Variants in TTC39B observed in about 807,000 individuals in gnomAD.
The protein encoded by TTC39B is tetratricopeptide repeat domain 39B.
A neutral mutation model predicts 96.6 loss-of-function variants in TTC39B; 92 were observed. The ratio of observed to expected loss-of-function variants is 0.95; its 90% CI spans 0.80 to 1.13. The LOEUF is 1.13. TTC39B is among the 50% of genes most tolerant of loss of function. The pLI, the probability that TTC39B is intolerant of heterozygous loss-of-function variation, is 0.00. For synonymous variants in TTC39B, 367 were observed against 299.4 expected, an observed-to-expected ratio of 1.23 and a Z score of -2.33; for missense variants, 955 against 809.3, an observed-to-expected ratio of 1.18 and a Z score of -2.18.
intron 1 of TTC39B, among the ~76,000 whole-genome samples, chr9:15,272,929 C>G (rs1428006282): frequency 6.6e-6 from 1 of 152,210 alleles, no homozygotes; most frequent in African/African-American, 2.4e-5. Context: ...CTGCTGCCTC[C>G]TGGGAGATCA....
chr9:15,234,737 C>G (rs1244574853), intron 2 of TTC39B, among the ~76,000 whole-genome samples: 1 of 151,494 alleles, frequency 6.6e-6, no homozygotes. Flanking sequence ...TACCCCCAAC[C>G]CTGTGCTCTC....
At chr9:15,183,869 T>C (rs562843200) in intron 16 of TTC39B, among the ~76,000 whole-genome samples, 37 of 152,310 alleles carry the variant, frequency 2.4e-4, no homozygotes, top group African/African-American at 6.7e-4. Flanking sequence ...TATTTTTGTC[T>C]TGCTCCGTCA....
chr9:15,186,894 G>T, intron 15 of TTC39B, 50 bp downstream of exon 15: 5 of 1,512,736 alleles, frequency 3.3e-6, no homozygotes, highest in Non-Finnish European at 4.6e-6. Context: ...ATGAGATTTT[G>T]CCCCTTTATA....
At chr9:15,232,981 AAC>A (rs1223394627) in intron 2 of TTC39B, among the ~76,000 whole-genome samples, 1 of 152,168 alleles carries the variant, frequency 6.6e-6, no homozygotes, top group African/African-American at 2.4e-5. Flanking sequence ...AAAATTCTCA[AAC>A]ACTGCATACA....
intron 1 of TTC39B, among the ~76,000 whole-genome samples, chr9:15,282,915 C>T (rs73646027): frequency 2.5e-4 from 38 of 152,332 alleles, no homozygotes; most frequent in African/African-American, 9.1e-4. Flanking sequence ...ATTCAACAAA[C>T]TGAGCTATTT....
intron 2 of TTC39B, among the ~76,000 whole-genome samples, chr9:15,248,472 T>C (rs1420344765): frequency 6.6e-6 from 1 of 152,182 alleles, no homozygotes; most frequent in Non-Finnish European, 1.5e-5. Context: ...TTTAATGAAA[T>C]TAGGTAATCA....
chr9:15,226,269 C>G (rs1361495745), intron 2 of TTC39B, among the ~76,000 whole-genome samples: 1 of 152,196 alleles, frequency 6.6e-6, no homozygotes, highest in East Asian at 1.9e-4. Context: ...CAGGTCTCCA[C>G]CCAAAGATAG....
At chr9:15,177,232 C>G (rs1344574743) in intron 18 of TTC39B, among the ~76,000 whole-genome samples, 1 of 152,036 alleles carries the variant, frequency 6.6e-6, no homozygotes, top group Non-Finnish European at 1.5e-5. Context: ...ACTCAAGAGG[C>G]TAAGCTGGGA....
intron 6 of TTC39B, among the ~76,000 whole-genome samples, chr9:15,207,500 G>A (rs1361312962): frequency 2.0e-5 from 3 of 152,054 alleles, no homozygotes; most frequent in Non-Finnish European, 4.4e-5. Flanking sequence ...GAGAAAGTGT[G>A]GGTTACAGTG....
intron 10 of TTC39B, among the ~76,000 whole-genome samples, chr9:15,190,988 G>A (rs535724033): frequency 3.3e-5 from 5 of 152,082 alleles, no homozygotes; most frequent in Admixed American, 6.5e-5. Context: ...GGATAACAAG[G>A]GTGAACATTT....
At chr9:15,221,440 C>T (rs1167791659) in intron 3 of TTC39B, among the ~76,000 whole-genome samples, 1 of 152,176 alleles carries the variant, frequency 6.6e-6, no homozygotes, top group Non-Finnish European at 1.5e-5. Flanking sequence ...CTTTATGTTG[C>T]TCCCATGTTC....
chr9:15,285,711 C>T lies in TTC39B; in HGVS notation c.241-17763G>A, dbSNP rs558492902. On this transcript the variant is annotated intron_variant, in intron 1 of 19. Transcript: ENST00000512701. ...CTACTAAAAATACAAAAAAATTAGC[C>T]GGGCTTGGTGGCGGGCGCCTGTAGT... is the stretch of plus-strand genomic sequence containing the variant. Among the ~76,000 whole-genome samples, 462 of 152,118 alleles carry T rather than the reference C, an allele frequency of 3.0e-3. 1 individual carries two copies. Among genetic ancestry groups the T allele is most frequent in the African/African-American group, 0.01 (433 of 41,496 alleles).
intron 8 of TTC39B, among the ~76,000 whole-genome samples, chr9:15,199,494 G>C (rs1042364129): frequency 3.3e-5 from 5 of 151,936 alleles, no homozygotes; most frequent in African/African-American, 1.2e-4. Flanking sequence ...CCAGCACTTT[G>C]GGAGGCTGAG....
At chr9:15,190,337 C>T (rs997144740) in intron 11 of TTC39B, among the ~76,000 whole-genome samples, 1 of 151,322 alleles carries the variant, frequency 6.6e-6, no homozygotes, top group Non-Finnish European at 1.5e-5. Context: ...TATGTTTTGT[C>T]TTGTTTTGTT....
chr9:15,190,028 C>T (rs1818766393), intron 11 of TTC39B, among the ~76,000 whole-genome samples: 1 of 152,066 alleles, frequency 6.6e-6, no homozygotes, highest in Non-Finnish European at 1.5e-5. Context: ...TCTCAGATTC[C>T]TAATTGGAAT....
At chr9:15,288,797 C>T (rs980378505) in intron 1 of TTC39B, among the ~76,000 whole-genome samples, 5 of 152,212 alleles carry the variant, frequency 3.3e-5, no homozygotes, top group Non-Finnish European at 7.3e-5. Context: ...GCCGTGAGGC[C>T]GGAGCCCAGG....
At chr9:15,276,546 T>C (rs771196453) in intron 1 of TTC39B, among the ~76,000 whole-genome samples, 2 of 152,194 alleles carry the variant, frequency 1.3e-5, no homozygotes, top group Admixed American at 6.5e-5. Flanking sequence ...TGTGTCCACA[T>C]AGTCACAATA....
exon 3 of TTC39B, chr9:15,225,946 G>C: frequency 1.9e-6 from 3 of 1,613,982 alleles, no homozygotes; most frequent in Non-Finnish European, 2.5e-6. Context: ...CGCGCTGTCT[G>C]GGCGCCTGTT....
intron 1 of TTC39B, among the ~76,000 whole-genome samples, chr9:15,304,652 T>TCC (rs537958762): frequency 8.1e-5 from 11 of 136,176 alleles, no homozygotes; most frequent in Admixed American, 2.2e-4. Flanking sequence ...TTCCCCAACC[T>TCC]CCCCCCCGAC....
Sources: allele counts gnomAD v4.1 joint callset (sites outside exome capture counted in the v4.1 genomes callset), GRCh38; gene constraint gnomAD v4.1.1; transcripts MANE v1.5; gene names NCBI Gene and HGNC (gene_info 2026-07-23, HGNC 2026-07-21).